The following ETFA variants were observed in gnomAD, a reference collection of about 807,000 sequenced individuals.
The protein encoded by ETFA is electron transfer flavoprotein subunit alpha, mitochondrial.
In ETFA, 22 loss-of-function variants were observed where a neutral mutation model predicts 46.2. The observed-to-expected ratio is 0.48, with a 90% CI of 0.34 to 0.68. ETFA has a LOEUF of 0.68. Ranked by LOEUF, ETFA falls within the 30% of genes least tolerant of loss-of-function variation. The probability of loss-of-function intolerance (pLI) is 0.01; values close to 1 mark genes in which losing one functional copy is unlikely to be tolerated. For synonymous variants in ETFA, 131 were observed against 139.9 expected, an observed-to-expected ratio of 0.94 and a Z score of 0.45; for missense variants, 345 against 401.1, an observed-to-expected ratio of 0.86 and a Z score of 1.19.
chr15:76,249,435 ATTTTTTTTTTT>A (rs375408996), intron 9 of ETFA, among the ~76,000 whole-genome samples: 10 of 74,806 alleles, frequency 1.3e-4, no homozygotes, highest in Admixed American at 1.5e-4. Flanking sequence ...GTCCATGGTA[ATTTTTTTTTTT>A]TTTTTTTTTT....
At chr15:76,231,719 T>C (rs895512463) in intron 9 of ETFA, among the ~76,000 whole-genome samples, 1 of 152,162 alleles carries the variant, frequency 6.6e-6, no homozygotes, top group Non-Finnish European at 1.5e-5. Context: ...AGGTAGCATT[T>C]TTCATCTGTG....
At chr15:76,237,626 T>C (rs2039139728) in intron 9 of ETFA, among the ~76,000 whole-genome samples, 1 of 152,204 alleles carries the variant, frequency 6.6e-6, no homozygotes, top group Non-Finnish European at 1.5e-5. Flanking sequence ...GCTAATAGGA[T>C]TGTTGTGATG....
At chr15:76,297,738 G>C (rs974969648) in intron 1 of ETFA, among the ~76,000 whole-genome samples, 2 of 152,094 alleles carry the variant, frequency 1.3e-5, no homozygotes, top group Non-Finnish European at 2.9e-5. Context: ...ACATATTTAA[G>C]AACCCACTCA....
rs765039243 is a variant in ETFA, at chr15:76,216,576, T to C, written c.985A>G (p.Ile329Val). The C allele has an allele frequency of 6.3e-7, 1 of 1,590,478 alleles. No homozygotes were observed. The highest frequency in any genetic ancestry group is 8.6e-7 in the Non-Finnish European group (1 of 1,158,502). Residue 329 changes from isoleucine to valine, a missense_variant, in exon 12 of 12, where the codon ATA becomes GTA. Physicochemically the swap from Ile to Val is conservative, Grantham distance 29. Coordinates refer to ENST00000557943, the MANE Select transcript of ETFA (RefSeq NM_000126.4). ...ATCCTGATTCATTTTTTCTTCAATA[T>C]CTCAGTCATTTCAGGAACTACCTGC... ...LFKVVPEMTE[I>V]LKKK
chr15:76,308,598 G>A (rs2039959543), intron 1 of ETFA, among the ~76,000 whole-genome samples: 2 of 152,114 alleles, frequency 1.3e-5, no homozygotes, highest in African/African-American at 4.8e-5. Flanking sequence ...ATACACCAAT[G>A]TCATCAAACC....
chr15:76,265,584 C>T (rs183307910), intron 9 of ETFA, among the ~76,000 whole-genome samples: 51 of 152,246 alleles, frequency 3.3e-4, no homozygotes, highest in African/African-American at 1.1e-3. Context: ...AAGACTTCCA[C>T]GGGTATCGTT....
At chr15:76,218,604 C>T (rs150015849) in intron 11 of ETFA, among the ~76,000 whole-genome samples, 2 of 152,258 alleles carry the variant, frequency 1.3e-5, no homozygotes, top group African/African-American at 4.8e-5. Context: ...CCACATGATG[C>T]CTTATTTAGG....
chr15:76,236,088 A>T (rs1288946709), intron 9 of ETFA, among the ~76,000 whole-genome samples: 1 of 152,206 alleles, frequency 6.6e-6, no homozygotes, highest in African/African-American at 2.4e-5. Context: ...GAAAGTAAGT[A>T]TATACTAACA....
At chr15:76,307,512 C>G (rs1462314312) in intron 1 of ETFA, among the ~76,000 whole-genome samples, 1 of 149,346 alleles carries the variant, frequency 6.7e-6, no homozygotes, top group Admixed American at 6.7e-5. Context: ...TTTGAAACAG[C>G]GTCTCACTCT....
At chr15:76,249,096 T>C (rs1036238322) in intron 9 of ETFA, among the ~76,000 whole-genome samples, 2 of 151,172 alleles carry the variant, frequency 1.3e-5, no homozygotes, top group South Asian at 4.2e-4. Context: ...AAAATTGTGC[T>C]AAAATATATA....
chr15:76,281,974 G>A (rs2039658847), intron 8 of ETFA, among the ~76,000 whole-genome samples: 1 of 133,850 alleles, frequency 7.5e-6, no homozygotes, highest in African/African-American at 2.8e-5. Flanking sequence ...CACAGTCTCA[G>A]CTTACTGCAA....
In ETFA at chr15:76,245,874, C is replaced by T. The variant is rs79345649; in HGVS notation, c.817-14476G>A. Among the ~76,000 whole-genome samples the T allele has an allele frequency of 6.2e-4, 95 of 152,292 alleles. 3 individuals carry two copies. The East Asian group carries it at 0.015, about 23-fold the overall frequency. ...ATTAAATGGAAACTACCACCAAATA[C>T]GCCAACCTTTAAAAGGCCATAGAAA... On this transcript the variant is annotated intron_variant, in intron 9 of 11. Transcript: ENST00000557943.
intron 11 of ETFA, among the ~76,000 whole-genome samples, chr15:76,218,718 C>T (rs1023499759): frequency 6.6e-6 from 1 of 152,184 alleles, no homozygotes; most frequent in Non-Finnish European, 1.5e-5. Context: ...GCAGAGGCAG[C>T]TCCCTACTCA....
intron 8 of ETFA, among the ~76,000 whole-genome samples, chr15:76,279,434 G>A (rs2039626509): frequency 6.6e-6 from 1 of 152,028 alleles, no homozygotes; most frequent in Non-Finnish European, 1.5e-5. Flanking sequence ...ACACCACCAT[G>A]CCTGGCTAAT....
chr15:76,304,917 C>T (rs2039924391), intron 1 of ETFA, among the ~76,000 whole-genome samples: 1 of 151,882 alleles, frequency 6.6e-6, no homozygotes, highest in African/African-American at 2.4e-5. Flanking sequence ...GTGGCGGGCA[C>T]CTGTAGTCCC....
chr15:76,260,492 C>T (rs2039398302), intron 9 of ETFA: 1 of 1,543,896 alleles, frequency 6.5e-7, no homozygotes, highest in Non-Finnish European at 8.9e-7. Flanking sequence ...GTGGCTGACT[C>T]CAGGGTCCAC....
At chr15:76,241,906 G>A (rs1444854703) in intron 9 of ETFA, among the ~76,000 whole-genome samples, 2 of 139,782 alleles carry the variant, frequency 1.4e-5, no homozygotes, top group African/African-American at 2.7e-5. Context: ...GCACGATCTC[G>A]GCTCACTGCA....
At chr15:76,222,649 A>T (rs1473221115) in intron 11 of ETFA, among the ~76,000 whole-genome samples, 1 of 152,166 alleles carries the variant, frequency 6.6e-6, no homozygotes, top group Non-Finnish European at 1.5e-5. Flanking sequence ...GAAATGAGAG[A>T]GAAGGGGAAC....
chr15:76,243,516 G>A (rs1299743244), intron 9 of ETFA, among the ~76,000 whole-genome samples: 1 of 151,954 alleles, frequency 6.6e-6, no homozygotes, highest in East Asian at 1.9e-4. Flanking sequence ...TTTAAATTCA[G>A]GCCAGGCGCA....
Sources: gnomAD v4.1 joint callset for allele counts (sites outside exome capture counted in the v4.1 genomes callset) on GRCh38, gnomAD v4.1.1 for gene constraint, MANE v1.5 for transcripts, NCBI Gene and HGNC (gene_info 2026-07-23, HGNC 2026-07-21) for gene names.